SPATS2L: variants seen among roughly 807,000 people sequenced by gnomAD.
The protein encoded by SPATS2L is SPATS2-like protein.
Under a neutral mutation model 59.6 loss-of-function variants are expected in SPATS2L, and 30 were observed. That is an observed-to-expected ratio of 0.50 (90% CI 0.38 to 0.68). The LOEUF is 0.68. Among genes scored for constraint, SPATS2L ranks in the 30% least tolerant of loss-of-function variants. The pLI, the probability that SPATS2L is intolerant of heterozygous loss-of-function variation, is 0.00. For missense variants in SPATS2L, 615 were observed against 700.0 expected (o/e 0.88, Z 1.37); for synonymous variants, 252 against 263.5 (o/e 0.96, Z 0.42).
intron 8 of SPATS2L, among the ~76,000 whole-genome samples, chr2:200,450,530 C>G (rs1040293250): frequency 1.3e-5 from 2 of 152,212 alleles, no homozygotes; most frequent in East Asian, 3.8e-4. Context: ...CGCTACCTCT[C>G]TCTTCCCCTT....
rs778903037 is a variant in SPATS2L at position 200,416,362 on chromosome 2, T to G, written c.149-17T>G. ...TATGATGTGAATATTTGTTGAAGAT[T>G]CTTTGTCTTTATCTAGGCAGTGCAA... is the stretch of plus-strand genomic sequence containing the variant. On this transcript the variant is annotated splice_polypyrimidine_tract_variant and intron_variant, in intron 4 of 12. Coordinates refer to ENST00000409140, the MANE Select transcript of SPATS2L (RefSeq NM_001100423.2). The G allele has an allele frequency of 2.7e-5, 37 of 1,396,106 alleles. No individual in the cohort carries two copies. The highest frequency in any genetic ancestry group is 3.7e-4 in the Middle Eastern group (2 of 5,432). The allele number at this position is 1,396,106 out of a possible 1,614,324, so 86.5% of individuals were successfully genotyped here. A position where few individuals can be genotyped will look rare whatever the true frequency, so the allele number is the denominator to read the frequency against.
chr2:200,327,272 C>T (rs1159282251), intron 1 of SPATS2L, among the ~76,000 whole-genome samples: 2 of 151,988 alleles, frequency 1.3e-5, no homozygotes, highest in African/African-American at 4.8e-5. Context: ...AGTGTGGTGG[C>T]ATGCACCTGT....
intron 2 of SPATS2L, among the ~76,000 whole-genome samples, chr2:200,375,159 G>A (rs1041030701): frequency 3.3e-5 from 5 of 152,128 alleles, no homozygotes; most frequent in East Asian, 1.9e-4. Context: ...TGAAGCGTCC[G>A]TAAAGTGCAT....
intron 6 of SPATS2L, among the ~76,000 whole-genome samples, chr2:200,426,708 T>C (rs192494519): frequency 3.7e-4 from 56 of 152,306 alleles, no homozygotes; most frequent in South Asian, 1.2e-3. Context: ...GCCTGCGCAA[T>C]GAAGCAAGAC....
At chr2:200,477,536 A>ATG in intron 12 of SPATS2L, 100 bp from the exon 13 acceptor site, 1 of 697,602 alleles carries the variant, frequency 1.4e-6, no homozygotes, top group Non-Finnish European at 2.1e-6. Flanking sequence ...AAAAAAAAAA[A>ATG]AAGCTTACCT....
At chr2:200,447,479 G>A (rs574132596) in intron 8 of SPATS2L, among the ~76,000 whole-genome samples, 1 of 152,248 alleles carries the variant, frequency 6.6e-6, no homozygotes, top group Admixed American at 6.5e-5. Context: ...TACTTTAACA[G>A]GTAAGCATAG....
chr2:200,466,280 A>T lies in SPATS2L; in HGVS notation c.848-1010A>T, dbSNP rs183961133. On this transcript the variant is annotated intron_variant, in intron 9 of 12. Coordinates refer to ENST00000409140, the MANE Select transcript of SPATS2L (RefSeq NM_001100423.2). ...AGCATAGAATGTGAGTCCGACATGC[A>T]TGTCATCTTAGATGAATACCTTTTT... Among the ~76,000 whole-genome samples the T allele has an allele frequency of 2.0e-5, 3 of 152,152 alleles. No individual in the cohort carries two copies. The East Asian group carries it at 5.8e-4, about 29-fold the overall frequency.
intron 1 of SPATS2L, among the ~76,000 whole-genome samples, chr2:200,314,603 C>T (rs935479010): frequency 6.6e-6 from 1 of 152,210 alleles, no homozygotes; most frequent in African/African-American, 2.4e-5. Context: ...TGGGCCTTCC[C>T]TTCAGGTGTG....
intron 1 of SPATS2L, among the ~76,000 whole-genome samples, chr2:200,326,743 T>C (rs2079759509): frequency 6.6e-6 from 1 of 151,960 alleles, no homozygotes; most frequent in African/African-American, 2.4e-5. Context: ...TCTTTTTTTT[T>C]TCGAGACGGA....
chr2:200,356,351 A>G (rs1008025005), intron 2 of SPATS2L, among the ~76,000 whole-genome samples: 28 of 152,236 alleles, frequency 1.8e-4, no homozygotes, highest in African/African-American at 6.8e-4. Flanking sequence ...CAATGAACAT[A>G]CAATGGGGAC....
intron 12 of SPATS2L, among the ~76,000 whole-genome samples, chr2:200,474,554 C>T (rs1261086853): frequency 6.6e-6 from 1 of 152,110 alleles, no homozygotes; most frequent in Non-Finnish European, 1.5e-5. Flanking sequence ...CCACCTGCTT[C>T]AGCCTCCCAA....
At chr2:200,362,481 C>G (rs1464002639) in intron 2 of SPATS2L, among the ~76,000 whole-genome samples, 1 of 152,170 alleles carries the variant, frequency 6.6e-6, no homozygotes, top group East Asian at 1.9e-4. Flanking sequence ...TGTCACACTT[C>G]AGCTGGCAAG....
At chr2:200,419,923 A>G (rs1188672247) in intron 6 of SPATS2L, among the ~76,000 whole-genome samples, 1 of 152,160 alleles carries the variant, frequency 6.6e-6, no homozygotes, top group Non-Finnish European at 1.5e-5. Flanking sequence ...GAAATATTCT[A>G]TATAGACACA....
At position 200,371,331 on chromosome 2, in the gene SPATS2L, G is replaced by A. The variant is rs980798938; in HGVS notation, c.-22-17892G>A. Reference sequence around the variant, plus strand: ...TGTACTAGGATAGAGGAAAGCATACGTAAGATGAATCTGAGAATTTTGGAA... The same window carrying A: ...TGTACTAGGATAGAGGAAAGCATACATAAGATGAATCTGAGAATTTTGGAA... On this transcript the variant is annotated intron_variant, in intron 2 of 12. Transcript: ENST00000409140. 3.3e-5 allele frequency among the ~76,000 whole-genome samples: 5 copies of A among 152,286 alleles called. No homozygotes were observed. In the East Asian group the frequency reaches 9.6e-4, roughly 29 times the overall value.
In SPATS2L at chr2:200,439,290, A is replaced by G; in HGVS notation, c.614A>G (p.His205Arg). 4 of 1,611,430 alleles carry G rather than the reference A, an allele frequency of 2.5e-6. No individual in the cohort carries two copies. Among genetic ancestry groups the G allele is most frequent in the Non-Finnish European group, 3.4e-6 (4 of 1,177,668 alleles). The change falls in exon 7 of 13, where the codon CAT becomes CGT. Residue 205 changes from histidine to arginine, a missense_variant. Physicochemically the swap from His to Arg is conservative, Grantham distance 29 (BLOSUM62 0). Transcript: ENST00000409140. ...SPVKSNTPAA[H>R]LEIKPDELAK... Reference sequence around the variant, plus strand: ...GTTAAGTCCAATACCCCTGCAGCTCATCTTGAAATAAAGCCAGATGAGTTG... The same window carrying G: ...GTTAAGTCCAATACCCCTGCAGCTCGTCTTGAAATAAAGCCAGATGAGTTG...
intron 2 of SPATS2L, among the ~76,000 whole-genome samples, chr2:200,375,004 T>C (rs1439317989): frequency 6.6e-6 from 1 of 152,218 alleles, no homozygotes; most frequent in African/African-American, 2.4e-5. Flanking sequence ...TGGAAGCATC[T>C]GGTACTTTCT....
chr2:200,448,175 C>T (rs1446630600), intron 8 of SPATS2L, among the ~76,000 whole-genome samples: 3 of 152,070 alleles, frequency 2.0e-5, no homozygotes, highest in Non-Finnish European at 4.4e-5. Flanking sequence ...GGCACAGTGG[C>T]CCACACCTGT....
chr2:200,369,095 A>AGG (rs778602713), intron 2 of SPATS2L, among the ~76,000 whole-genome samples: 1 of 6,694 alleles, frequency 1.5e-4, no homozygotes, highest in Non-Finnish European at 1.2e-3. Context: ...AAAAAAAAAG[A>AGG]AGAGAGTTAT....
chr2:200,427,750 A>C (rs930309649), intron 6 of SPATS2L, among the ~76,000 whole-genome samples: 1 of 152,184 alleles, frequency 6.6e-6, no homozygotes, highest in Non-Finnish European at 1.5e-5. Context: ...AAACCTGTCT[A>C]TTTTGGTCTC....
Sources: gnomAD v4.1 joint callset for allele counts (sites outside exome capture counted in the v4.1 genomes callset) on GRCh38, gnomAD v4.1.1 for gene constraint, MANE v1.5 for transcripts, NCBI Gene and HGNC (gene_info 2026-07-23, HGNC 2026-07-21) for gene names.